HMCN1: variants seen among roughly 807,000 people sequenced by gnomAD.
HMCN1 encodes the protein hemicentin 1.
HMCN1 carries 321 observed loss-of-function variants against 625.9 expected under a neutral mutation model. That is an observed-to-expected ratio of 0.51 (90% CI 0.47 to 0.56). HMCN1 has a LOEUF of 0.56. HMCN1 is among the 20% of genes least tolerant of loss of function. The pLI, the probability that HMCN1 is intolerant of heterozygous loss-of-function variation, is 0.00. For synonymous variants in HMCN1, 2,425 were observed against 2,417.6 expected, an observed-to-expected ratio of 1.00 and a Z score of -0.09; for missense variants, 6,588 against 6,887.3, an observed-to-expected ratio of 0.96 and a Z score of 1.54.
intron 4 of HMCN1, among the ~76,000 whole-genome samples, chr1:185,877,321 C>CTTTTTTTTTTTTTTTTTTTTTTTTT (rs71557837): frequency 2.9e-5 from 1 of 34,908 alleles, no homozygotes; most frequent in Non-Finnish European, 5.3e-5. Flanking sequence ...ATGTGTCTTT[C>CTTTTTTTTTTTTTTTTTTTTTTTTT]TTTTTTTTTT....
chr1:186,118,224 A>G (rs1338224510), intron 77 of HMCN1, among the ~76,000 whole-genome samples: 1 of 152,148 alleles, frequency 6.6e-6, no homozygotes, highest in African/African-American at 2.4e-5. Flanking sequence ...TCTAAAACTT[A>G]TCCTACACTG....
At chr1:186,097,963 T>C (rs1279842518) in intron 68 of HMCN1, among the ~76,000 whole-genome samples, 1 of 152,146 alleles carries the variant, frequency 6.6e-6, no homozygotes, top group Non-Finnish European at 1.5e-5. Flanking sequence ...GGATAGTCTC[T>C]TCAATAAATG....
intron 1 of HMCN1, among the ~76,000 whole-genome samples, chr1:185,782,430 T>G (rs1312040354): frequency 1.3e-5 from 2 of 152,236 alleles, no homozygotes; most frequent in East Asian, 3.8e-4. Context: ...TGATGCAGAT[T>G]CTTCCTAGCC....
intron 49 of HMCN1, among the ~76,000 whole-genome samples, chr1:186,067,171 C>T (rs1436536557): frequency 3.3e-5 from 5 of 152,142 alleles, no homozygotes; most frequent in African/African-American, 1.2e-4. Context: ...TCCTTTAGCC[C>T]CCCAGTTTCC....
intron 15 of HMCN1, among the ~76,000 whole-genome samples, chr1:185,971,741 T>C (rs763424099): frequency 7.9e-5 from 12 of 152,326 alleles, no homozygotes; most frequent in Non-Finnish European, 1.5e-4. Flanking sequence ...AATTTTTGCT[T>C]TCTGGGATCT....
chr1:185,907,386 A>G (rs1044640952), intron 4 of HMCN1, among the ~76,000 whole-genome samples: 1 of 151,784 alleles, frequency 6.6e-6, no homozygotes, highest in Non-Finnish European at 1.5e-5. Flanking sequence ...GAAGCCCTTT[A>G]GTCATTTTCA....
intron 1 of HMCN1, among the ~76,000 whole-genome samples, chr1:185,744,648 G>A (rs1456580054): frequency 6.6e-6 from 1 of 152,220 alleles, no homozygotes; most frequent in South Asian, 2.1e-4. Context: ...GCAGAAGGAA[G>A]CATGGGTGCT....
At chr1:186,171,498 T>C in intron 101 of HMCN1, 48 bp downstream of exon 101, 1 of 1,328,432 alleles carries the variant, frequency 7.5e-7, no homozygotes, top group Non-Finnish European at 1.1e-6. Context: ...CTATAACTTC[T>C]TAATGATGTC....
At chr1:186,130,374 C>T (rs1661866536) in intron 84 of HMCN1, 133 bp from the exon 85 acceptor site, 1 of 965,366 alleles carries the variant, frequency 1.0e-6, no homozygotes, top group Non-Finnish European at 1.6e-6. Context: ...AGAGTTGATT[C>T]TGGAAATTTC....
At position 186,041,061 on chromosome 1, in the gene HMCN1, G is replaced by A. The variant is rs144448119; in HGVS notation, c.6229G>A (p.Asp2077Asn). The part of the protein sequence containing the change: ...ILALTSAQIS[D>N]TGRYTCVAVN... ...AGCATTGACCAGTGCACAAATCAGC[G>A]ACACAGGAAGGTACACCTGCGTGGC... The change falls in exon 40 of 107, where the codon GAC becomes AAC. Residue 2077 changes from aspartate (D) to asparagine (N), a missense_variant. Around this residue, in one of 3 missense-constraint regions of HMCN1, gnomAD observed 4,628 missense variants for 4,853.1 expected, o/e 0.95. Transcript: ENST00000271588. The A allele has an allele frequency of 2.7e-5, 43 of 1,612,542 alleles. No homozygotes were observed. Among genetic ancestry groups the A allele is most frequent in the East Asian group, 1.3e-4 (6 of 44,796 alleles).
intron 1 of HMCN1, among the ~76,000 whole-genome samples, chr1:185,840,980 A>C (rs899076021): frequency 1.4e-4 from 21 of 152,198 alleles, no homozygotes; most frequent in Admixed American, 6.5e-4. Flanking sequence ...GTAAAGAAAA[A>C]CTACAAGTAG....
rs760644661 is a variant in HMCN1, at chr1:186,144,569, C to G, written c.14132C>G (p.Ala4711Gly). The G allele has an allele frequency of 6.2e-7, 1 of 1,614,052 alleles. No individual in the cohort carries two copies. The highest frequency in any genetic ancestry group is 8.5e-7 in the Non-Finnish European group (1 of 1,179,992). ...GKWATWASWS[A>G]CSVSCGGGAR... ...TGGGCGACTTGGGCCAGTTGGAGTGCCTGTTCTGTGTCATGTGGAGGAGGT... is the reference window on the plus strand; with the variant it reads ...TGGGCGACTTGGGCCAGTTGGAGTGGCTGTTCTGTGTCATGTGGAGGAGGT... Residue 4711 changes from alanine (A) to glycine (G), a missense_variant, in exon 91 of 107, where the codon GCC (alanine) becomes GGC (glycine). Ala to Gly is a moderately conservative substitution (Grantham distance 60). Around this residue, in one of 3 missense-constraint regions of HMCN1, gnomAD observed 1,954 missense variants for 2,013.1 expected, o/e 0.97. Coordinates refer to ENST00000271588, the MANE Select transcript of HMCN1 (RefSeq NM_031935.3).
intron 4 of HMCN1, among the ~76,000 whole-genome samples, chr1:185,878,223 A>G (rs531521773): frequency 3.3e-5 from 5 of 152,182 alleles, no homozygotes; most frequent in East Asian, 1.9e-4. Flanking sequence ...TCTAATTTGG[A>G]TGCTTTTCAT....
intron 18 of HMCN1, among the ~76,000 whole-genome samples, chr1:185,982,861 A>G (rs1023983754): frequency 3.9e-5 from 6 of 152,070 alleles, no homozygotes; most frequent in Non-Finnish European, 8.8e-5. Flanking sequence ...TTATTGACAT[A>G]TTTTTGTTAT....
In HMCN1 at chr1:186,126,459, G is replaced by GA. The variant is rs529272612; in HGVS notation, c.12690+671dup. Reference sequence around the variant, plus strand: ...AATGTCAGAAGAAAATAAGTCAGAAGAAAAAAGTGGCATGAAAAATAAGAG... The same window carrying GA: ...AATGTCAGAAGAAAATAAGTCAGAAGAAAAAAAGTGGCATGAAAAATAAGAG... On this transcript the variant is annotated intron_variant, in intron 82 of 106. Coordinates refer to ENST00000271588, the MANE Select transcript of HMCN1 (RefSeq NM_031935.3). Among the ~76,000 whole-genome samples the GA allele has an allele frequency of 9.2e-4, 140 of 152,138 alleles. 1 individual carries two copies. The highest frequency in any genetic ancestry group is 3.3e-3 in the African/African-American group (138 of 41,520).
intron 1 of HMCN1, among the ~76,000 whole-genome samples, chr1:185,838,318 C>T (rs958919812): frequency 2.0e-5 from 3 of 152,158 alleles, no homozygotes; most frequent in African/African-American, 7.2e-5. Context: ...AGCTGGGTTG[C>T]AAGTGCATGT....
At chr1:186,176,658 C>T (rs1221846894) in intron 103 of HMCN1, among the ~76,000 whole-genome samples, 1 of 152,170 alleles carries the variant, frequency 6.6e-6, no homozygotes, top group Non-Finnish European at 1.5e-5. Context: ...GGTCTCTGTC[C>T]TCGTGGAGTT....
chr1:185,792,536 G>C (rs1373822074), intron 1 of HMCN1, among the ~76,000 whole-genome samples: 2 of 151,836 alleles, frequency 1.3e-5, no homozygotes, highest in East Asian at 3.9e-4. Context: ...TTCAGCCCCA[G>C]AATCTTCTTT....
chr1:185,807,363 C>G (rs114109605), intron 1 of HMCN1, among the ~76,000 whole-genome samples: 3,036 of 152,190 alleles, frequency 0.02, 49 homozygotes, highest in Admixed American at 0.025. Flanking sequence ...CTACATAGTT[C>G]AATAGATAGG....
Sources: gnomAD v4.1 joint callset for allele counts (sites outside exome capture counted in the v4.1 genomes callset) on GRCh38, gnomAD v4.1.1 for gene constraint, gnomAD v4.1.1 regional missense constraint, MANE v1.5 for transcripts, NCBI Gene and HGNC (gene_info 2026-07-23, HGNC 2026-07-21) for gene names.